CHCHD6: variants seen among roughly 807,000 people sequenced by gnomAD.
CHCHD6 encodes the protein coiled-coil-helix-coiled-coil-helix domain containing 6.
CHCHD6 carries 28 observed loss-of-function variants against 32.3 expected under a neutral mutation model. That is an observed-to-expected ratio of 0.87 (90% confidence interval 0.64 to 1.19). The LOEUF (loss-of-function observed/expected upper bound fraction) is 1.19. Ranked by LOEUF, CHCHD6 falls within the 50% of genes most tolerant of loss-of-function variation. The pLI, the probability that CHCHD6 is intolerant of heterozygous loss-of-function variation, is 0.00. For missense variants in CHCHD6, 333 were observed against 307.0 expected (o/e 1.08, Z -0.63); for synonymous variants, 122 against 117.5 (o/e 1.04, Z -0.25).
chr3:126,920,983 G>A (rs1435297611), intron 6 of CHCHD6, among the ~76,000 whole-genome samples: 1 of 152,058 alleles, frequency 6.6e-6, no homozygotes, highest in African/African-American at 2.4e-5. Context: ...TTTCCCTCGG[G>A]GAAGAGCATA....
intron 5 of CHCHD6, among the ~76,000 whole-genome samples, chr3:126,913,617 G>A (rs1266008913): frequency 6.6e-6 from 1 of 152,106 alleles, no homozygotes; most frequent in African/African-American, 2.4e-5. Flanking sequence ...GTCTGACCAC[G>A]GGCCCTGCCC....
chr3:126,873,068 C>T (rs564360006), intron 5 of CHCHD6, among the ~76,000 whole-genome samples: 1 of 152,314 alleles, frequency 6.6e-6, no homozygotes, highest in South Asian at 2.1e-4. Flanking sequence ...TCGTAAATAT[C>T]CACTGTCATG....
At chr3:126,805,567 G>A (rs938498203) in intron 4 of CHCHD6, among the ~76,000 whole-genome samples, 47 of 152,108 alleles carry the variant, frequency 3.1e-4, no homozygotes, top group African/African-American at 1.1e-3. Flanking sequence ...CAAACAAATG[G>A]AAGAACATTC....
chr3:126,798,432 C>A (rs1374539644), intron 4 of CHCHD6, among the ~76,000 whole-genome samples: 3 of 152,190 alleles, frequency 2.0e-5, no homozygotes, highest in Non-Finnish European at 4.4e-5. Flanking sequence ...GTCAGCCCAC[C>A]TCCCTTGCTT....
intron 1 of CHCHD6, among the ~76,000 whole-genome samples, chr3:126,724,948 T>G (rs1935465104): frequency 6.6e-6 from 1 of 152,204 alleles, no homozygotes; most frequent in Non-Finnish European, 1.5e-5. Context: ...TCTTGCTGTT[T>G]CCACAACATC....
chr3:126,807,370 G>C (rs1030294322), intron 4 of CHCHD6, among the ~76,000 whole-genome samples: 3 of 151,834 alleles, frequency 2.0e-5, no homozygotes, highest in African/African-American at 7.3e-5. Context: ...TAAGAGTAGG[G>C]AACTGGTAAA....
chr3:126,956,627 GAA>G (rs2078789023), intron 6 of CHCHD6, among the ~76,000 whole-genome samples: 2 of 151,108 alleles, frequency 1.3e-5, no homozygotes, highest in African/African-American at 2.4e-5. Context: ...GAGAGAGAGA[GAA>G]ATCTGGAAGG....
At chr3:126,801,680 G>A (rs1184610472) in intron 4 of CHCHD6, among the ~76,000 whole-genome samples, 1 of 152,182 alleles carries the variant, frequency 6.6e-6, no homozygotes, top group Non-Finnish European at 1.5e-5. Flanking sequence ...AGACTTAAAT[G>A]TCCCTGTCTG....
chr3:126,808,084 T>C (rs1318034756), intron 4 of CHCHD6, among the ~76,000 whole-genome samples: 1 of 152,196 alleles, frequency 6.6e-6, no homozygotes, highest in Non-Finnish European at 1.5e-5. Context: ...TGCAAACAGT[T>C]TCAGTTAAGA....
chr3:126,764,878 G>A (rs1286113373), intron 4 of CHCHD6, among the ~76,000 whole-genome samples: 1 of 152,096 alleles, frequency 6.6e-6, no homozygotes, highest in Non-Finnish European at 1.5e-5. Flanking sequence ...TTCTCCCCTG[G>A]ACTACTGATT....
Position 126,913,207 on chromosome 3 carries a change from CTTT to C in CHCHD6, c.496-1438_496-1436del, listed in dbSNP as rs546179022. On this transcript the variant is annotated intron_variant, in intron 5 of 7. Transcript: ENST00000290913. ...GGATAATCATGCTGCCCGTATGAGC[CTTT>C]TTTTTTTTTTTTTTTTTTTTTTTTT... 1.2e-3 allele frequency among the ~76,000 whole-genome samples: 39 copies of C among 33,768 alleles called. 1 individual carries two copies. The highest frequency in any genetic ancestry group is 1.4e-3 in the Non-Finnish European group (27 of 19,628). The allele number at this position is 33,768 out of a possible 152,430, so 22.2% of individuals were successfully genotyped here. A position where few individuals can be genotyped will look rare whatever the true frequency, so the allele number is the denominator to read the frequency against.
chr3:126,924,575 C>G (rs2078297056), intron 6 of CHCHD6, among the ~76,000 whole-genome samples: 1 of 152,164 alleles, frequency 6.6e-6, no homozygotes, highest in African/African-American at 2.4e-5. Context: ...AGGCACTGTC[C>G]CCAGAGCTGG....
intron 4 of CHCHD6, among the ~76,000 whole-genome samples, chr3:126,806,170 G>A (rs1001534564): frequency 1.3e-5 from 2 of 151,840 alleles, no homozygotes; most frequent in East Asian, 1.9e-4. Context: ...AACACCAAAA[G>A]CAATGGCAAC....
intron 4 of CHCHD6, among the ~76,000 whole-genome samples, chr3:126,765,918 A>G (rs948289254): frequency 6.6e-5 from 10 of 152,236 alleles, no homozygotes; most frequent in African/African-American, 2.4e-4. Flanking sequence ...TGCAAGAAAA[A>G]GCAGGAAAGG....
chr3:126,925,781 C>T (rs1009629361), intron 6 of CHCHD6, among the ~76,000 whole-genome samples: 6 of 152,246 alleles, frequency 3.9e-5, no homozygotes, highest in African/African-American at 1.2e-4. Context: ...GGGCCACCAT[C>T]CACAGAAGAG....
At chr3:126,779,189 A>G (rs1019238674) in intron 4 of CHCHD6, among the ~76,000 whole-genome samples, 18 of 152,110 alleles carry the variant, frequency 1.2e-4, no homozygotes, top group African/African-American at 4.3e-4. Context: ...CACCTCTAGT[A>G]AGATTTTGCC....
intron 5 of CHCHD6, among the ~76,000 whole-genome samples, chr3:126,861,473 C>T (rs144707915): frequency 3.7e-4 from 56 of 151,936 alleles, no homozygotes; most frequent in Non-Finnish European, 6.5e-4. Flanking sequence ...GTAAGCACTT[C>T]ATAAAAGATT....
chr3:126,850,702 A>G (rs76482817), intron 4 of CHCHD6, among the ~76,000 whole-genome samples: 2,751 of 152,282 alleles, frequency 0.018, 32 homozygotes, highest in Middle Eastern at 0.051. Flanking sequence ...TCAAAAAATG[A>G]CAGGTCCAGA....
chr3:126,919,317 C>CTTTTTTTT (rs756862821), intron 6 of CHCHD6, among the ~76,000 whole-genome samples: 19 of 68,124 alleles, frequency 2.8e-4, no homozygotes, highest in East Asian at 4.6e-4. Context: ...TTTCTTTTTT[C>CTTTTTTTT]TTTTTTTTTT....
Sources: gnomAD v4.1 joint callset for allele counts (sites outside exome capture counted in the v4.1 genomes callset) on GRCh38, gnomAD v4.1.1 for gene constraint, MANE v1.5 for transcripts, NCBI Gene and HGNC (gene_info 2026-07-23, HGNC 2026-07-21) for gene names.